RAPGEF2: variants seen among roughly 807,000 people sequenced by gnomAD.
RAPGEF2 encodes Rap guanine nucleotide exchange factor 2.
A neutral mutation model predicts 186.7 loss-of-function variants in RAPGEF2; 54 were observed. That is an observed-to-expected ratio of 0.29 (90% CI 0.23 to 0.36). The LOEUF is 0.36. Among genes scored for constraint, RAPGEF2 ranks in the 10% least tolerant of loss-of-function variants. The pLI is 1.00. For missense variants in RAPGEF2, 1,532 were observed against 2,045.0 expected, an observed-to-expected ratio of 0.75 and a Z score of 4.84; for synonymous variants, 712 against 705.9, an observed-to-expected ratio of 1.01 and a Z score of -0.14.
At chr4:159,173,410 T>G (rs1392780696) in intron 1 of RAPGEF2, among the ~76,000 whole-genome samples, 1 of 152,106 alleles carries the variant, frequency 6.6e-6, no homozygotes, top group Non-Finnish European at 1.5e-5. Context: ...GCCTCTGGAA[T>G]TAGGTTGGTA....
intron 1 of RAPGEF2, among the ~76,000 whole-genome samples, chr4:159,158,146 GA>G (rs1254539426): frequency 2.6e-5 from 4 of 152,132 alleles, no homozygotes; most frequent in Admixed American, 2.6e-4. Context: ...TTATTCTTAA[GA>G]GGGCCTGCAT....
At chr4:159,139,573 A>AT (rs142343020) in intron 1 of RAPGEF2, among the ~76,000 whole-genome samples, 1,574 of 152,064 alleles carry the variant, frequency 0.01, 34 homozygotes, top group African/African-American at 0.036. Context: ...TACTGGTGAA[A>AT]TTAAAAAAAA....
chr4:159,348,650 C>T (rs1033365977), intron 25 of RAPGEF2, among the ~76,000 whole-genome samples: 3 of 152,100 alleles, frequency 2.0e-5, no homozygotes, highest in African/African-American at 7.2e-5. Context: ...CAGAACTTCT[C>T]ATATGGAAGA....
chr4:159,205,125 G>C (rs1749836272), intron 3 of RAPGEF2, among the ~76,000 whole-genome samples: 1 of 152,090 alleles, frequency 6.6e-6, no homozygotes, highest in Admixed American at 6.5e-5. Context: ...TTCCTCTTGG[G>C]AGTTCATATT....
rs759822809 is a variant in RAPGEF2 at position 159,352,849 on chromosome 4, A to C, written c.4030A>C (p.Asn1344His). 2 of 1,614,090 alleles carry C rather than the reference A, an allele frequency of 1.2e-6. No homozygotes were observed. Among genetic ancestry groups the C allele is most frequent in the Non-Finnish European group, 1.7e-6 (2 of 1,180,050 alleles). ...QRHSVSIVET[N>H]LGMGRMERRT... is the part of the protein sequence containing the mutation. ...GCATTCTGTCAGCATCGTGGAAACAAACCTAGGGATGGGCAGGATGGAGAG... is the reference window on the plus strand; with the variant it reads ...GCATTCTGTCAGCATCGTGGAAACACACCTAGGGATGGGCAGGATGGAGAG... The change falls in exon 27 of 30, where the codon AAC (asparagine) becomes CAC (histidine). Residue 1344 changes from asparagine (N) to histidine (H), a missense_variant. Asn to His is a moderately conservative substitution (Grantham distance 68, BLOSUM62 1). Around this residue, in one of 4 missense-constraint regions of RAPGEF2, gnomAD observed 594 missense variants for 608.5 expected, o/e 0.98. Transcript: ENST00000691494.
intron 7 of RAPGEF2, among the ~76,000 whole-genome samples, chr4:159,295,754 T>TGCGCGCGC (rs66478721): frequency 8.8e-6 from 1 of 113,932 alleles, no homozygotes; most frequent in Non-Finnish European, 1.9e-5. Context: ...TGTGTGTGTG[T>TGCGCGCGC]GCGCGCGCGC....
intron 3 of RAPGEF2, among the ~76,000 whole-genome samples, chr4:159,207,071 TG>T (rs1480859105): frequency 1.3e-5 from 2 of 152,256 alleles, no homozygotes; most frequent in East Asian, 3.8e-4. Flanking sequence ...ATTTAATAAA[TG>T]TTGATTGAAT....
At chr4:159,304,198 A>AT (rs1248403404) in intron 7 of RAPGEF2, 144 bp from the exon 8 acceptor site, 1 of 722,556 alleles carries the variant, frequency 1.4e-6, no homozygotes, top group Admixed American at 3.5e-5. Flanking sequence ...AAATAAGACA[A>AT]TATTTAGTAA....
intron 1 of RAPGEF2, among the ~76,000 whole-genome samples, chr4:159,147,676 C>A (rs557228612): frequency 2.6e-5 from 4 of 152,184 alleles, no homozygotes; most frequent in Non-Finnish European, 5.9e-5. Context: ...AGAATGCATA[C>A]TGTAGTTGAA....
chr4:159,231,795 A>C lies in RAPGEF2; in HGVS notation c.282-7014A>C, dbSNP rs1752673675. Among the ~76,000 whole-genome samples, 3 of 152,172 alleles carry C rather than the reference A, an allele frequency of 2.0e-5. No individual in the cohort carries two copies. The South Asian group carries it at 6.2e-4, about 31-fold the overall frequency. On this transcript the variant is annotated intron_variant, in intron 4 of 29. Transcript: ENST00000691494. ...GTGCAAATATTCCCAAATCCAAAATAATCCAAAATCAAAGCACTTCTGATG... is the reference window on the plus strand; with the variant it reads ...GTGCAAATATTCCCAAATCCAAAATCATCCAAAATCAAAGCACTTCTGATG...
At chr4:159,335,618 C>T (rs1238397083) in intron 17 of RAPGEF2, among the ~76,000 whole-genome samples, 3 of 151,948 alleles carry the variant, frequency 2.0e-5, no homozygotes, top group Admixed American at 6.6e-5. Flanking sequence ...GAGGCCGAGG[C>T]GGTCGGATCA....
At chr4:159,324,874 G>A (rs1269039166) in intron 11 of RAPGEF2, among the ~76,000 whole-genome samples, 2 of 152,014 alleles carry the variant, frequency 1.3e-5, no homozygotes, top group African/African-American at 4.8e-5. Flanking sequence ...AATTTATGAC[G>A]TCTTCTAAAA....
At chr4:159,254,600 CTTTTT>C (rs34644510) in intron 7 of RAPGEF2, among the ~76,000 whole-genome samples, 10 of 124,586 alleles carry the variant, frequency 8.0e-5, no homozygotes, top group East Asian at 2.3e-4. Context: ...TACAGCATGA[CTTTTT>C]TTTTTTTTTT....
chr4:159,235,253 C>T (rs1229130479), intron 4 of RAPGEF2, among the ~76,000 whole-genome samples: 1 of 152,158 alleles, frequency 6.6e-6, no homozygotes, highest in Non-Finnish European at 1.5e-5. Context: ...CCTTGTGTGT[C>T]CATCATTTCA....
chr4:159,342,404 C>G (rs1195730183), intron 20 of RAPGEF2, among the ~76,000 whole-genome samples: 1 of 150,432 alleles, frequency 6.6e-6, no homozygotes, highest in Non-Finnish European at 1.5e-5. Context: ...TTTTTAAGAG[C>G]TTAGATTGAG....
intron 13 of RAPGEF2, 55 bp from the exon 14 acceptor site, chr4:159,331,376 T>G (rs1220587621): frequency 9.5e-7 from 1 of 1,053,676 alleles, no homozygotes; most frequent in Non-Finnish European, 1.4e-6. Flanking sequence ...GGAATGATTT[T>G]AATCACATTT....
chr4:159,313,914 T>G (rs1764243244), intron 8 of RAPGEF2, among the ~76,000 whole-genome samples: 1 of 152,156 alleles, frequency 6.6e-6, no homozygotes, highest in Non-Finnish European at 1.5e-5. Context: ...AGAGGCCATC[T>G]TGAAATGTGT....
intron 7 of RAPGEF2, among the ~76,000 whole-genome samples, chr4:159,293,267 A>T (rs1186514992): frequency 6.6e-6 from 1 of 152,238 alleles, no homozygotes. Flanking sequence ...GTCACTGTTT[A>T]TCACATCGGT....
chr4:159,252,985 A>G (rs1755651383), intron 7 of RAPGEF2, among the ~76,000 whole-genome samples: 1 of 152,244 alleles, frequency 6.6e-6, no homozygotes, highest in Non-Finnish European at 1.5e-5. Context: ...AAGAAGAATG[A>G]TAGTGTTTGA....
Sources: allele counts gnomAD v4.1 joint callset (sites outside exome capture counted in the v4.1 genomes callset), GRCh38; gene constraint gnomAD v4.1.1; regional missense constraint gnomAD v4.1.1; transcripts MANE v1.5; gene names NCBI Gene and HGNC (gene_info 2026-07-23, HGNC 2026-07-21).